Variants in ATF7IP2 observed in about 807,000 individuals in gnomAD.
ATF7IP2 encodes activating transcription factor 7 interacting protein 2, also known as activating transcription factor 7-interacting protein 2.
A neutral mutation model predicts 64.2 loss-of-function variants in ATF7IP2; 42 were observed. That is an observed-to-expected ratio of 0.65 (90% confidence interval 0.51 to 0.85). The LOEUF is 0.85. Ranked by LOEUF, ATF7IP2 falls within the 40% of genes least tolerant of loss-of-function variation. The pLI is 0.00. For missense variants in ATF7IP2, 933 were observed against 784.2 expected (o/e 1.19, Z -2.27); for synonymous variants, 308 against 272.8 (o/e 1.13, Z -1.27).
chr16:10,453,924 A>T (rs1645716150), intron 8 of ATF7IP2: 1 of 151,772 alleles, frequency 6.6e-6, no homozygotes, highest in Non-Finnish European at 1.5e-5. Flanking sequence ...TACAGGCATG[A>T]GCCACTACGC....
intron 9 of ATF7IP2, among the ~76,000 whole-genome samples, chr16:10,459,250 C>T (rs997686194): frequency 3.3e-5 from 5 of 151,932 alleles, no homozygotes; most frequent in Admixed American, 6.6e-5. Context: ...GGGTGGATCA[C>T]GAGGTCAGGA....
chr16:10,427,131 G>A (rs905002364), intron 3 of ATF7IP2, among the ~76,000 whole-genome samples: 1 of 152,162 alleles, frequency 6.6e-6, no homozygotes, highest in Non-Finnish European at 1.5e-5. Flanking sequence ...TGGGATTACA[G>A]GCTTGAGCCA....
intron 8 of ATF7IP2, among the ~76,000 whole-genome samples, chr16:10,441,442 C>T (rs2048618962): frequency 6.6e-6 from 1 of 152,134 alleles, no homozygotes; most frequent in African/African-American, 2.4e-5. Context: ...TAATGATCGC[C>T]ATTCTAACTG....
At chr16:10,421,989 A>G (rs1171833943) in intron 3 of ATF7IP2, among the ~76,000 whole-genome samples, 1 of 152,244 alleles carries the variant, frequency 6.6e-6, no homozygotes, top group Non-Finnish European at 1.5e-5. Flanking sequence ...TAGCAGGAGA[A>G]GGCAGTCCTG....
intron 8 of ATF7IP2, chr16:10,445,901 A>G (rs561872807): frequency 1.4e-4 from 22 of 152,320 alleles, no homozygotes; most frequent in African/African-American, 4.3e-4. Context: ...AATTTTTCCA[A>G]AAGTGTGAGC....
At position 10,452,303 on chromosome 16, in the gene ATF7IP2, C is replaced by CT. The variant is rs200804075; in HGVS notation, c.1195-5068dup. Among the ~76,000 whole-genome samples, 20 of 152,296 alleles carry CT rather than the reference C, an allele frequency of 1.3e-4. No individual in the cohort carries two copies. The East Asian group carries it at 2.1e-3, about 16-fold the overall frequency. The stretch of plus-strand genomic sequence containing the variant: ...TGTTGGTGACCTTCGGATGGGGTCT[C>CT]TGAGTGGACGTCCTTTTTGTTGATG... On this transcript the variant is annotated intron_variant, in intron 8 of 13. Transcript: ENST00000562102.
In ATF7IP2 at chr16:10,401,292, C is replaced by T. The variant is rs565011508; in HGVS notation, c.-241-13282C>T. On this transcript the variant is annotated intron_variant, in intron 1 of 13. Coordinates refer to ENST00000562102, the MANE Select transcript of ATF7IP2 (RefSeq NM_001393719.1). ...AAGCGATTCTCCTGCCCCAGCATCC[C>T]GAGTACCTGGGATTACAGGTGCGTA... Among the ~76,000 whole-genome samples, 32 of 152,038 alleles carry T rather than the reference C, an allele frequency of 2.1e-4. No homozygotes were observed. In the South Asian group the frequency reaches 3.3e-3, roughly 16 times the overall value.
At position 10,423,976 on chromosome 16, in the gene ATF7IP2, T is replaced by C. The variant is rs74009335; in HGVS notation, c.-160+4353T>C. 6.7e-3 allele frequency among the ~76,000 whole-genome samples: 1,022 copies of C among 152,328 alleles called. 13 individuals carry two copies. The highest frequency in any genetic ancestry group is 0.023 in the African/African-American group (952 of 41,572). ...CAGGAATCGGGGCTGATAGCCTTCA[T>C]AGCTGAGAGCCACGAAGAGTTTTAC... On this transcript the variant is annotated intron_variant, in intron 3 of 13. Transcript: ENST00000562102.
intron 1 of ATF7IP2, among the ~76,000 whole-genome samples, chr16:10,388,994 A>G (rs1050535116): frequency 6.6e-6 from 1 of 152,022 alleles, no homozygotes; most frequent in African/African-American, 2.4e-5. Context: ...CCTGGGCGAC[A>G]GAGCAAGACT....
intron 1 of ATF7IP2, among the ~76,000 whole-genome samples, chr16:10,406,968 A>C (rs763025593): frequency 6.6e-6 from 1 of 152,242 alleles, no homozygotes. Context: ...ATTACAGACC[A>C]ATATGAGTAT....
In ATF7IP2 at chr16:10,482,056, A is replaced by C. The variant is rs140983517; in HGVS notation, c.1856A>C (p.Asn619Thr). Residue 619 changes from asparagine to threonine, a missense_variant, in exon 14 of 14, where the codon AAC becomes ACC. Coordinates refer to ENST00000562102, the MANE Select transcript of ATF7IP2 (RefSeq NM_001393719.1). ...TACCACCTCTTCCTGTGTCATGAGA[A>C]CTCTAATAATAAGTTGATTTGGAAG... Reference protein sequence around the residue: ...ESYHLFLCHENSNNKLIWKKI... With the variant: ...ESYHLFLCHETSNNKLIWKKI... 3 of 1,613,798 alleles carry C rather than the reference A, an allele frequency of 1.9e-6. No homozygotes were observed. The African/African-American group carries it at 4.0e-5, about 22-fold the overall frequency.
At chr16:10,451,072 G>A (rs1219702155) in intron 8 of ATF7IP2, among the ~76,000 whole-genome samples, 1 of 152,160 alleles carries the variant, frequency 6.6e-6, no homozygotes, top group Non-Finnish European at 1.5e-5. Flanking sequence ...CTTCACTTAT[G>A]AAGCTTAGTT....
intron 1 of ATF7IP2, chr16:10,386,353 G>C (rs2047203293): frequency 6.6e-6 from 1 of 152,428 alleles, no homozygotes. Context: ...TTTCGCAGAG[G>C]GATACTGGTG....
chr16:10,418,219 A>G (rs1487144061), intron 2 of ATF7IP2, among the ~76,000 whole-genome samples: 2 of 152,200 alleles, frequency 1.3e-5, no homozygotes, highest in African/African-American at 4.8e-5. Flanking sequence ...CACTCATGCT[A>G]TTGTTTGTGG....
intron 1 of ATF7IP2, among the ~76,000 whole-genome samples, chr16:10,404,504 C>G (rs1054691342): frequency 3.3e-5 from 5 of 152,156 alleles, no homozygotes; most frequent in African/African-American, 1.2e-4. Context: ...ACCTTGGCCT[C>G]CCAAAGTGCT....
rs568232589 is a variant in ATF7IP2 at position 10,400,197 on chromosome 16, C to T, written c.-242+14075C>T. ...CTGGGATTACAGGCGCCTGCCACCA[C>T]GCCTGGCTAATTTTTGTATTTTTAG... On this transcript the variant is annotated intron_variant, in intron 1 of 13. Coordinates refer to ENST00000562102, the MANE Select transcript of ATF7IP2 (RefSeq NM_001393719.1). Among the ~76,000 whole-genome samples, 4 of 152,144 alleles carry T rather than the reference C, an allele frequency of 2.6e-5. No homozygotes were observed. The South Asian group carries it at 6.2e-4, about 24-fold the overall frequency.
At position 10,480,395 on chromosome 16, in the gene ATF7IP2, C is replaced by A. The variant is rs118186065; in HGVS notation, c.1550-484C>A. 4.2e-3 allele frequency among the ~76,000 whole-genome samples: 639 copies of A among 151,968 alleles called. 15 individuals are homozygous for A. Among genetic ancestry groups the A allele is most frequent in the East Asian group, 0.018 (93 of 5,178 alleles). On this transcript the variant is annotated intron_variant, in intron 12 of 13. Transcript: ENST00000562102. The stretch of plus-strand genomic sequence containing the variant: ...TCACCATCTATTTTCCTTTCTGTTT[C>A]TCCTCCTTCCCCTCTTCTTTTCCCC...
chr16:10,481,893 G>A lies in ATF7IP2; in HGVS notation c.1693G>A (p.Glu565Lys). 1 of 1,613,120 alleles carries A rather than the reference G, an allele frequency of 6.2e-7. No individual in the cohort carries two copies. The highest frequency in any genetic ancestry group is 8.5e-7 in the Non-Finnish European group (1 of 1,179,730). ...CCCAGAACCACCAGCACCACTACCTGAATTAGTAGACAAAACCCGAGACAC... is the reference window on the plus strand; with the variant it reads ...CCCAGAACCACCAGCACCACTACCTAAATTAGTAGACAAAACCCGAGACAC... ...PLPEPPAPLPELVDKTRDTLP... is the reference protein window; with the variant it reads ...PLPEPPAPLPKLVDKTRDTLP... Residue 565 changes from glutamate to lysine, a missense_variant, in exon 14 of 14, where the codon GAA (glutamate) becomes AAA (lysine). Physicochemically the swap from Glu to Lys is moderately conservative, Grantham distance 56. Transcript: ENST00000562102.
intron 3 of ATF7IP2, among the ~76,000 whole-genome samples, chr16:10,424,888 G>A (rs1011373599): frequency 6.6e-6 from 1 of 152,180 alleles, no homozygotes. Context: ...CTGCTGGTGT[G>A]AATGTAAGTT....
Sources: allele counts gnomAD v4.1 joint callset (sites outside exome capture counted in the v4.1 genomes callset), GRCh38; gene constraint gnomAD v4.1.1; transcripts MANE v1.5; gene names NCBI Gene and HGNC (gene_info 2026-07-23, HGNC 2026-07-21).